The following ERBB4 variants were observed in gnomAD, a reference collection of about 807,000 sequenced individuals.
The protein encoded by ERBB4 is receptor tyrosine-protein kinase erbB-4.
In ERBB4, 42 loss-of-function variants were observed where a neutral mutation model predicts 158.0. That is an observed-to-expected ratio of 0.27 (90% CI 0.21 to 0.34). The LOEUF is 0.34. Among genes scored for constraint, ERBB4 ranks in the 10% least tolerant of loss-of-function variants. The pLI is 1.00. For synonymous variants in ERBB4, 583 were observed against 558.7 expected, an observed-to-expected ratio of 1.04 and a Z score of -0.61; for missense variants, 1,333 against 1,624.1, an observed-to-expected ratio of 0.82 and a Z score of 3.08.
intron 1 of ERBB4, among the ~76,000 whole-genome samples, chr2:212,154,649 G>A (rs1455768583): frequency 8.2e-6 from 1 of 121,584 alleles, no homozygotes; most frequent in African/African-American, 2.5e-5. Context: ...GTGAAGGTCA[G>A]TGAATCTAAT....
chr2:211,419,873 A>C (rs1284241832), intron 25 of ERBB4, among the ~76,000 whole-genome samples: 1 of 152,086 alleles, frequency 6.6e-6, no homozygotes, highest in Non-Finnish European at 1.5e-5. Flanking sequence ...TGTTTTCAGA[A>C]ACTTCCTTCA....
intron 1 of ERBB4, among the ~76,000 whole-genome samples, chr2:212,200,689 T>C (rs527788208): frequency 2.6e-5 from 4 of 152,322 alleles, no homozygotes; most frequent in Admixed American, 2.6e-4. Context: ...GAGAGTTTGC[T>C]GGCATGAGAA....
chr2:211,538,746 T>C (rs1209670430), intron 20 of ERBB4, among the ~76,000 whole-genome samples: 1 of 151,822 alleles, frequency 6.6e-6, no homozygotes, highest in East Asian at 1.9e-4. Context: ...ATTCTTAATA[T>C]TGGGTTCGTA....
intron 19 of ERBB4, among the ~76,000 whole-genome samples, chr2:211,565,390 G>C (rs759447549): frequency 2.0e-5 from 3 of 151,976 alleles, no homozygotes; most frequent in Non-Finnish European, 4.4e-5. Context: ...ATGATACATA[G>C]GCTAAAAAGA....
chr2:212,122,734 T>A (rs1198997020), intron 2 of ERBB4, among the ~76,000 whole-genome samples: 1 of 151,944 alleles, frequency 6.6e-6, no homozygotes, highest in Non-Finnish European at 1.5e-5. Flanking sequence ...GTCTATTTTT[T>A]ATCATTCCAT....
intron 1 of ERBB4, among the ~76,000 whole-genome samples, chr2:212,458,214 C>T (rs1560380773): frequency 6.6e-6 from 1 of 151,746 alleles, no homozygotes; most frequent in Non-Finnish European, 1.5e-5. Flanking sequence ...ATGATTACGA[C>T]AAAAAACTGT....
At chr2:212,237,002 C>T (rs2083905583) in intron 1 of ERBB4, among the ~76,000 whole-genome samples, 1 of 152,006 alleles carries the variant, frequency 6.6e-6, no homozygotes. Context: ...TTCTTGTCTT[C>T]TGCTAGCTTT....
intron 2 of ERBB4, among the ~76,000 whole-genome samples, chr2:211,998,981 A>C (rs2076040970): frequency 6.6e-6 from 1 of 151,874 alleles, no homozygotes; most frequent in African/African-American, 2.4e-5. Flanking sequence ...TCATTTAACA[A>C]AAAAGTTTCA....
intron 14 of ERBB4, among the ~76,000 whole-genome samples, chr2:211,671,029 T>A (rs2071817957): frequency 6.6e-6 from 1 of 152,130 alleles, no homozygotes; most frequent in Non-Finnish European, 1.5e-5. Flanking sequence ...AAATATGGTG[T>A]CTTACTATGC....
At chr2:211,965,318 G>A (rs1249080366) in intron 2 of ERBB4, among the ~76,000 whole-genome samples, 1 of 152,034 alleles carries the variant, frequency 6.6e-6, no homozygotes, top group Non-Finnish European at 1.5e-5. Context: ...TTGATAAATG[G>A]AAATAGTTTA....
intron 1 of ERBB4, among the ~76,000 whole-genome samples, chr2:212,457,740 TC>T (rs1249182611): frequency 6.6e-6 from 1 of 152,020 alleles, no homozygotes; most frequent in East Asian, 1.9e-4. Context: ...TGAGATAACT[TC>T]CTGGTAAAGA....
At chr2:211,536,267 A>T (rs769922605) in intron 20 of ERBB4, among the ~76,000 whole-genome samples, 5 of 152,106 alleles carry the variant, frequency 3.3e-5, no homozygotes, top group Admixed American at 6.5e-5. Flanking sequence ...CACACCTTCC[A>T]CACCTCATTT....
intron 1 of ERBB4, among the ~76,000 whole-genome samples, chr2:212,154,612 C>T (rs1413800690): frequency 6.6e-6 from 1 of 152,016 alleles, no homozygotes; most frequent in Non-Finnish European, 1.5e-5. Flanking sequence ...CCTTGATATG[C>T]CGCCTGTCTC....
rs143649987 is a variant in ERBB4 at position 211,489,538 on chromosome 2, T to A, written c.2488-58438A>T. ...ATGGTTGTTGGTTGCCTTGTATTAA[T>A]AGCTATGTTCATTTTCTGTTTAGTA... On this transcript the variant is annotated intron_variant, in intron 20 of 27. Transcript: ENST00000342788. Among the ~76,000 whole-genome samples the A allele has an allele frequency of 2.2e-4, 33 of 152,198 alleles. No homozygotes were observed. In the East Asian group the frequency reaches 5.6e-3, roughly 26 times the overall value.
At chr2:211,940,513 G>A (rs897865319) in intron 3 of ERBB4, among the ~76,000 whole-genome samples, 1 of 152,052 alleles carries the variant, frequency 6.6e-6, no homozygotes, top group African/African-American at 2.4e-5. Context: ...GATCACAAAG[G>A]TTTAAGGTTC....
chr2:211,853,018 G>C (rs1559576274), intron 3 of ERBB4, among the ~76,000 whole-genome samples: 1 of 151,906 alleles, frequency 6.6e-6, no homozygotes, highest in Admixed American at 6.6e-5. Flanking sequence ...CCTACTACTG[G>C]ATCTAGTTCT....
chr2:212,220,404 C>G (rs1157990467), intron 1 of ERBB4, among the ~76,000 whole-genome samples: 3 of 151,372 alleles, frequency 2.0e-5, no homozygotes, highest in Non-Finnish European at 3.0e-5. Context: ...TATTCGCCAT[C>G]CCAAATGCCC....
At chr2:212,535,720 A>T (rs1182268468) in intron 1 of ERBB4, among the ~76,000 whole-genome samples, 2 of 152,204 alleles carry the variant, frequency 1.3e-5, no homozygotes, top group African/African-American at 4.8e-5. Flanking sequence ...TCTAAATAAA[A>T]TGCATAATTG....
At chr2:211,854,046 C>A (rs1183000041) in intron 3 of ERBB4, among the ~76,000 whole-genome samples, 2 of 152,050 alleles carry the variant, frequency 1.3e-5, no homozygotes, top group Non-Finnish European at 2.9e-5. Context: ...AGATCTTATC[C>A]ACCCAAAGGA....
Sources: gnomAD v4.1 joint callset for allele counts (sites outside exome capture counted in the v4.1 genomes callset) on GRCh38, gnomAD v4.1.1 for gene constraint, MANE v1.5 for transcripts, NCBI Gene and HGNC (gene_info 2026-07-23, HGNC 2026-07-21) for gene names.